Variants in PREPL observed in about 807,000 individuals in gnomAD.
PREPL encodes the protein prolyl endopeptidase like, also known as prolyl endopeptidase-like.
A neutral mutation model predicts 70.6 loss-of-function variants in PREPL; 77 were observed. That is an observed-to-expected ratio of 1.09 (90% CI 0.91 to 1.32). The LOEUF (loss-of-function observed/expected upper bound fraction) is 1.32, where lower values mean the gene tolerates loss of function less well. Ranked by LOEUF, PREPL falls within the 40% of genes most tolerant of loss-of-function variation. The probability of loss-of-function intolerance (pLI) is 0.00; values close to 1 mark genes in which losing one functional copy is unlikely to be tolerated. For synonymous variants in PREPL, 315 were observed against 264.8 expected (o/e 1.19, Z -1.84); for missense variants, 1,002 against 778.2 (o/e 1.29, Z -3.42).
chr2:44,341,739 A>T (rs971496150), intron 5 of PREPL, among the ~76,000 whole-genome samples: 3 of 151,778 alleles, frequency 2.0e-5, no homozygotes, highest in African/African-American at 7.2e-5. Context: ...GAAAAAAAGA[A>T]AAGTAAAAAA....
At chr2:44,361,009 G>C (rs1677708544) in intron 1 of PREPL, among the ~76,000 whole-genome samples, 1 of 152,048 alleles carries the variant, frequency 6.6e-6, no homozygotes, top group South Asian at 2.1e-4. Flanking sequence ...AGCAACACTA[G>C]TTTACTAGCC....
intron 4 of PREPL, among the ~76,000 whole-genome samples, chr2:44,343,512 G>T (rs1202315035): frequency 1.3e-5 from 2 of 152,024 alleles, no homozygotes; most frequent in African/African-American, 4.8e-5. Context: ...TGTATGACAT[G>T]GACTCTAATT....
At position 44,320,707 on chromosome 2, in the gene PREPL, G is replaced by T. The variant is rs903552003; in HGVS notation, c.*649C>A. On this transcript the variant is annotated 3_prime_UTR_variant, in exon 14 of 14. Coordinates refer to ENST00000409411, the MANE Select transcript of PREPL (RefSeq NM_001171613.2). ...TTGTAAGCATTTGTAATAGCTTCATGTACAGCATGCTGCTTGGTGAACAAT... is the reference window on the plus strand; with the variant it reads ...TTGTAAGCATTTGTAATAGCTTCATTTACAGCATGCTGCTTGGTGAACAAT... 5 of 1,177,306 alleles carry T rather than the reference G, an allele frequency of 4.2e-6. No individual in the cohort carries two copies. The African/African-American group carries it at 6.0e-5, about 14-fold the overall frequency. The allele number at this position is 1,177,306 out of a possible 1,614,324, so 72.9% of individuals were successfully genotyped here. A position where few individuals can be genotyped will look rare whatever the true frequency, so the allele number is the denominator to read the frequency against.
chr2:44,320,817 A>T lies in PREPL; in HGVS notation c.*539T>A, dbSNP rs913420984. On this transcript the variant is annotated 3_prime_UTR_variant, in exon 14 of 14. Coordinates refer to ENST00000409411, the MANE Select transcript of PREPL (RefSeq NM_001171613.2). ...TGTTTTGAAAAAAATAAAATGTTTA[A>T]AAGTAAATTATGGCTTATAGGAGCT... 4.7e-6 allele frequency: 3 copies of T among 638,002 alleles called. No homozygotes were observed. Among genetic ancestry groups the T allele is most frequent in the Admixed American group, 5.3e-5 (2 of 38,072 alleles). 39.5% of individuals were successfully genotyped at this position (638,002 alleles called of 1,614,324 possible).
In PREPL at chr2:44,320,033, T is replaced by TA. The variant is rs1447766552; in HGVS notation, c.*1322dup. 2 of 619,900 alleles carry TA rather than the reference T, an allele frequency of 3.2e-6. No individual in the cohort carries two copies. The highest frequency in any genetic ancestry group is 1.8e-5 in the African/African-American group (1 of 54,178). The allele number at this position is 619,900 out of a possible 1,614,324, so 38.4% of individuals were successfully genotyped here. ...CGAATTTGTCATTTCTATCAGTTTT[T>TA]ATATAAATTGTTCTTACCTACTTAT... is the stretch of plus-strand genomic sequence containing the variant. On this transcript the variant is annotated 3_prime_UTR_variant, in exon 14 of 14. Transcript: ENST00000409411.
intron 7 of PREPL, among the ~76,000 whole-genome samples, chr2:44,337,748 T>C (rs72804933): frequency 0.078 from 11,841 of 152,282 alleles, 562 homozygotes; most frequent in Non-Finnish European, 0.11. Context: ...GCAGGTTATC[T>C]TTCCTGGTAG....
At chr2:44,339,124 G>C (rs1558502568) in intron 6 of PREPL, 23 bp downstream of exon 6, 1 of 1,611,920 alleles carries the variant, frequency 6.2e-7, no homozygotes, top group Non-Finnish European at 8.5e-7. Context: ...GCCCAAATAG[G>C]AACAACGAGC....
rs144734530 is a variant in PREPL, at chr2:44,359,589, A to G, written c.-49+1791T>C. 1.3e-5 allele frequency: 21 copies of G among 1,611,704 alleles called. No homozygotes were observed. The African/African-American group carries it at 2.3e-4, about 17-fold the overall frequency. On this transcript the variant is annotated intron_variant, in intron 1 of 13. Transcript: ENST00000409411. ...CACTTGGTTAGGTGATATTTTTTCA[A>G]TTTTATTCTATTGTAACAATGATCA...
chr2:44,339,297 A>C lies in PREPL; in HGVS notation c.552T>G (p.Thr184=), dbSNP rs774450920. The change falls in exon 6 of 14, where the codon ACT becomes ACG. Residue 184 remains threonine (T), a synonymous_variant. Transcript: ENST00000409411. ...CATCTATCAACCACACTTCAGAAGT[A>C]GTCTTGTTCATAATATTTATGGTGA... ...RFLTINIMNK[T]TSEVWLIDGL... 6.2e-7 allele frequency: 1 copy of C among 1,614,088 alleles called. No individual in the cohort carries two copies. The highest frequency in any genetic ancestry group is 2.2e-5 in the East Asian group (1 of 44,874).
In PREPL at chr2:44,359,390, T is replaced by C. The variant is rs536680031; in HGVS notation, c.-49+1990A>G. 65 of 914,488 alleles carry C rather than the reference T, an allele frequency of 7.1e-5. No individual in the cohort carries two copies. In the African/African-American group the frequency reaches 1.1e-3, roughly 15 times the overall value. 56.6% of individuals were successfully genotyped at this position (914,488 alleles called of 1,614,324 possible). A position where few individuals can be genotyped will look rare whatever the true frequency, so the allele number is the denominator to read the frequency against. ...GACTTGAAAATTAGAAAAATCAAGT[T>C]AGAATTACTGAGAAAATTAGTAGCT... On this transcript the variant is annotated intron_variant, in intron 1 of 13. Transcript: ENST00000409411.
In PREPL at chr2:44,339,313, T is replaced by A; in HGVS notation, c.536A>T (p.Asn179Ile). The change falls in exon 6 of 14, where the codon AAT becomes ATT. Residue 179 changes from asparagine (N) to isoleucine (I), a missense_variant. Asn to Ile is a moderately radical substitution (Grantham distance 149). Coordinates refer to ENST00000409411, the MANE Select transcript of PREPL (RefSeq NM_001171613.2). ...LTKDSRFLTI[N>I]IMNKTTSEVW... Reference sequence around the variant, plus strand: ...TTCAGAAGTAGTCTTGTTCATAATATTTATGGTGAGGAAACGACTGTCTTT... The same window carrying A: ...TTCAGAAGTAGTCTTGTTCATAATAATTATGGTGAGGAAACGACTGTCTTT... 6.2e-7 allele frequency: 1 copy of A among 1,613,988 alleles called. No individual in the cohort carries two copies. The highest frequency in any genetic ancestry group is 8.5e-7 in the Non-Finnish European group (1 of 1,179,980).
Position 44,320,481 on chromosome 2 carries a change from G to A in PREPL, c.*875C>T, listed in dbSNP as rs1398255704. 1.2e-6 allele frequency: 2 copies of A among 1,614,140 alleles called. No homozygotes were observed. The highest frequency in any genetic ancestry group is 1.1e-5 in the South Asian group (1 of 91,080). ...TTCTGCCGACAAAGGCAGTAAAGTT[G>A]ATACAAGTGGCATTTTTCTGGACAA... On this transcript the variant is annotated 3_prime_UTR_variant, in exon 14 of 14. Coordinates refer to ENST00000409411, the MANE Select transcript of PREPL (RefSeq NM_001171613.2).
chr2:44,343,712 C>T (rs373156140), intron 4 of PREPL, 33 bp downstream of exon 4: 37 of 1,572,960 alleles, frequency 2.4e-5, no homozygotes, highest in Non-Finnish European at 3.1e-5. Context: ...CGTTGCCTTT[C>T]AACACAGAGG....
At chr2:44,361,607 T>G, upstream of PREPL, 2 of 168,380 alleles carry the variant, frequency 1.2e-5, no homozygotes, top group Non-Finnish European at 2.5e-5. Context: ...TTCGCCATCT[T>G]TGTTGTGGTC....
At chr2:44,346,523 T>A in intron 1 of PREPL, 133 bp from the exon 2 acceptor site, 1 of 760,354 alleles carries the variant, frequency 1.3e-6, no homozygotes, top group Non-Finnish European at 2.1e-6. Context: ...AGTAGGTATT[T>A]CACAGATTGT....
At position 44,317,979 on chromosome 2, in the gene PREPL, C is replaced by A. The variant is rs1672572260; in HGVS notation, c.*3377G>T. The A allele has an allele frequency of 7.2e-6, 2 of 276,678 alleles. No homozygotes were observed. The highest frequency in any genetic ancestry group is 2.9e-5 in the South Asian group (1 of 34,948). 17.1% of individuals were successfully genotyped at this position (276,678 alleles called of 1,614,324 possible). A position where few individuals can be genotyped will look rare whatever the true frequency, so the allele number is the denominator to read the frequency against. On this transcript the variant is annotated 3_prime_UTR_variant, in exon 14 of 14. Transcript: ENST00000409411. ...CAAGCAAATAATAGAAAGCTTGCAA[C>A]CCAGCTATAGCTATAAACACAAAAA... is the stretch of plus-strand genomic sequence containing the variant.
intron 10 of PREPL, among the ~76,000 whole-genome samples, 176 bp from the exon 11 acceptor site, chr2:44,323,587 C>T (rs1400136946): frequency 3.3e-5 from 5 of 152,146 alleles, no homozygotes; most frequent in Non-Finnish European, 7.3e-5. Flanking sequence ...TTATAACCTA[C>T]TTTTAAAGTC....
chr2:44,326,117 C>G (rs756972812), intron 10 of PREPL, among the ~76,000 whole-genome samples: 1 of 152,174 alleles, frequency 6.6e-6, no homozygotes, highest in Non-Finnish European at 1.5e-5. Flanking sequence ...GCTTTCTCAA[C>G]TGGGACTCAT....
intron 3 of PREPL, among the ~76,000 whole-genome samples, chr2:44,344,194 T>C (rs532603590): frequency 3.3e-5 from 5 of 152,290 alleles, no homozygotes; most frequent in African/African-American, 1.2e-4. Context: ...TGTTATAGTC[T>C]AGTTTAGTAT....
Sources: gnomAD v4.1 joint callset for allele counts (sites outside exome capture counted in the v4.1 genomes callset) on GRCh38, gnomAD v4.1.1 for gene constraint, MANE v1.5 for transcripts, NCBI Gene and HGNC (gene_info 2026-07-23, HGNC 2026-07-21) for gene names.